CYP4X1: variants seen among roughly 807,000 people sequenced by gnomAD.
CYP4X1 encodes cytochrome P450 family 4 subfamily X member 1.
A neutral mutation model predicts 57.9 loss-of-function variants in CYP4X1; 44 were observed. The observed-to-expected ratio is 0.76, with a 90% CI of 0.60 to 0.98. The LOEUF is 0.98. Ranked by LOEUF, CYP4X1 falls within the 50% of genes least tolerant of loss-of-function variation. The pLI, the probability that CYP4X1 is intolerant of heterozygous loss-of-function variation, is 0.00. For synonymous variants in CYP4X1, 227 were observed against 228.6 expected, an observed-to-expected ratio of 0.99 and a Z score of 0.06; for missense variants, 532 against 623.9, an observed-to-expected ratio of 0.85 and a Z score of 1.57.
At chr1:47,006,792 A>C in the CYP4X1 span, among the ~76,000 whole-genome samples, 58,761 of 152,142 alleles carry the variant, frequency 0.39, 13,126 homozygotes, top group African/African-American at 0.61. Flanking sequence ...ATATCCTGCG[A>C]CTGGCTTGGA....
In CYP4X1 at chr1:47,046,576, C is replaced by T. The variant is rs145695080; in HGVS notation, c.1183C>T (p.Pro395Ser). Reference protein sequence around the residue: ...SRDLSKPLTFPDGCTLPAGIT... With the variant: ...SRDLSKPLTFSDGCTLPAGIT... ...AGATCTCAGCAAGCCACTTACCTTC[C>T]CAGATGGATGCACATTGCCTGCAGG... The change falls in exon 9 of 12, where the codon CCA (proline) becomes TCA (serine). Residue 395 changes from proline (P) to serine (S), a missense_variant. Pro to Ser is a moderately conservative substitution (Grantham distance 74). Coordinates refer to ENST00000371901, the MANE Select transcript of CYP4X1 (RefSeq NM_178033.2). The T allele has an allele frequency of 5.6e-6, 9 of 1,614,014 alleles. No homozygotes were observed. Among genetic ancestry groups the T allele is most frequent in the Non-Finnish European group, 6.8e-6 (8 of 1,180,030 alleles).
intron 9 of CYP4X1, 110 bp downstream of exon 9, chr1:47,046,710 TA>T: frequency 6.7e-7 from 1 of 1,497,466 alleles, no homozygotes; most frequent in Non-Finnish European, 9.1e-7. Context: ...AAGATAATGC[TA>T]ACATGTGACT....
intron 1 of CYP4X1, among the ~76,000 whole-genome samples, chr1:47,024,493 A>T (rs1212789105): frequency 6.6e-6 from 1 of 152,154 alleles, no homozygotes; most frequent in African/African-American, 2.4e-5. Context: ...ATACTGATTG[A>T]TGGAAATTTG....
chr1:46,984,886 A>G, the CYP4X1 span, among the ~76,000 whole-genome samples: 2 of 152,222 alleles, frequency 1.3e-5, no homozygotes, highest in African/African-American at 4.8e-5. Context: ...AAGGGGGCTA[A>G]AGCCAGAGAG....
At chr1:47,026,198 A>C (rs555879311) in intron 1 of CYP4X1, among the ~76,000 whole-genome samples, 9 of 152,348 alleles carry the variant, frequency 5.9e-5, no homozygotes, top group African/African-American at 1.7e-4. Flanking sequence ...GGCTATAGTC[A>C]ATAATAACTG....
Position 47,050,055 on chromosome 1 carries a change from A to G in CYP4X1, c.1411A>G (p.Ile471Val). The G allele has an allele frequency of 6.2e-7, 1 of 1,613,990 alleles. No homozygotes were observed. The highest frequency in any genetic ancestry group is 8.5e-7 in the Non-Finnish European group (1 of 1,179,982). Residue 471 changes from isoleucine (I) to valine (V), a missense_variant, in exon 12 of 12, where the codon ATT becomes GTT. By Grantham distance (29) the Ile-to-Val change is conservative. Transcript: ENST00000371901. ...TGAGTTAAAGGTAACCATTGCCTTG[A>G]TTCTGCTCCACTTCAGAGTGACTCC... Reference protein sequence around the residue: ...MIELKVTIALILLHFRVTPDP... With the variant: ...MIELKVTIALVLLHFRVTPDP...
At chr1:47,020,778 T>C (rs918389717), upstream of CYP4X1, among the ~76,000 whole-genome samples, 5 of 152,240 alleles carry the variant, frequency 3.3e-5, no homozygotes, top group African/African-American at 1.2e-4. Context: ...TATTAAGTAA[T>C]AATAGACTTC....
downstream of CYP4X1, among the ~76,000 whole-genome samples, chr1:47,051,471 G>T (rs1644360112): frequency 6.6e-6 from 1 of 150,922 alleles, no homozygotes; most frequent in Non-Finnish European, 1.5e-5. Flanking sequence ...GTCATCTTTT[G>T]CTGATATGAT....
chr1:47,023,554 A>G (rs1644021183), upstream of CYP4X1: 1 of 1,219,784 alleles, frequency 8.2e-7, no homozygotes, highest in Non-Finnish European at 1.0e-6. Flanking sequence ...TTAAAAGAGG[A>G]CGCTCCAGGA....
chr1:47,043,464 TCCCACC>T (rs1383064140), intron 8 of CYP4X1, among the ~76,000 whole-genome samples: 6 of 152,268 alleles, frequency 3.9e-5, no homozygotes, highest in African/African-American at 1.4e-4. Flanking sequence ...TTTAATTAAG[TCCCACC>T]TATTTATCTT....
intron 11 of CYP4X1, among the ~76,000 whole-genome samples, 164 bp downstream of exon 11, chr1:47,049,668 C>A (rs1025514666): frequency 5.9e-5 from 9 of 152,180 alleles, no homozygotes; most frequent in Admixed American, 5.2e-4. Flanking sequence ...CAATCGTATT[C>A]TCTGTCACAT....
chr1:46,999,614 GGTTT>G, the CYP4X1 span, among the ~76,000 whole-genome samples: 1 of 151,662 alleles, frequency 6.6e-6, no homozygotes, highest in Non-Finnish European at 1.5e-5. Context: ...AGTTGCTTTG[GGTTT>G]GTTATTGTTT....
At chr1:46,978,473 T>C in the CYP4X1 span, among the ~76,000 whole-genome samples, 1 of 152,076 alleles carries the variant, frequency 6.6e-6, no homozygotes, top group Non-Finnish European at 1.5e-5. Flanking sequence ...CCCAGATTCA[T>C]AAAGCAAGTC....
At chr1:47,045,075 T>C (rs1644287138) in intron 8 of CYP4X1, among the ~76,000 whole-genome samples, 1 of 152,196 alleles carries the variant, frequency 6.6e-6, no homozygotes, top group African/African-American at 2.4e-5. Flanking sequence ...TCCGCCCACC[T>C]AGGCCTCCCA....
chr1:47,013,298 AGT>A, the CYP4X1 span, among the ~76,000 whole-genome samples: 1 of 152,224 alleles, frequency 6.6e-6, no homozygotes, highest in Non-Finnish European at 1.5e-5. Context: ...TTGGAGGCAC[AGT>A]GTGATACAGA....
Position 47,030,149 on chromosome 1 carries a change from G to C in CYP4X1, c.319+18G>C. On this transcript the variant is annotated intron_variant, in intron 2 of 11. Coordinates refer to ENST00000371901, the MANE Select transcript of CYP4X1 (RefSeq NM_178033.2). ...CAGAACAGGTAAGAAGAGGGGGAAAGCTCTGGGACCTATTCCTCCTAGAAG... is the reference window on the plus strand; with the variant it reads ...CAGAACAGGTAAGAAGAGGGGGAAACCTCTGGGACCTATTCCTCCTAGAAG... 6.3e-7 allele frequency: 1 copy of C among 1,597,586 alleles called. No individual in the cohort carries two copies. Among genetic ancestry groups the C allele is most frequent in the Non-Finnish European group, 8.5e-7 (1 of 1,170,146 alleles).
the CYP4X1 span, among the ~76,000 whole-genome samples, chr1:47,004,018 A>C: frequency 4.6e-5 from 7 of 152,310 alleles, no homozygotes; most frequent in African/African-American, 1.7e-4. Flanking sequence ...GAACTAAATC[A>C]AATGGAAACA....
the CYP4X1 span, among the ~76,000 whole-genome samples, chr1:46,977,732 C>T: frequency 1.3e-4 from 20 of 151,896 alleles, no homozygotes; most frequent in Non-Finnish European, 2.6e-4. Flanking sequence ...AGAGAACGGT[C>T]GGGTTACCAA....
chr1:46,976,150 T>A, the CYP4X1 span, among the ~76,000 whole-genome samples: 1 of 152,090 alleles, frequency 6.6e-6, no homozygotes, highest in South Asian at 2.1e-4. Flanking sequence ...GGGCATCACC[T>A]CACCTGGGAA....
Sources: allele counts gnomAD v4.1 joint callset (sites outside exome capture counted in the v4.1 genomes callset), GRCh38; gene constraint gnomAD v4.1.1; transcripts MANE v1.5; gene names NCBI Gene and HGNC (gene_info 2026-07-23, HGNC 2026-07-21).